The following PRDM10 variants were observed in gnomAD, a reference collection of about 807,000 sequenced individuals.
PRDM10 encodes PR domain zinc finger protein 10.
In PRDM10, 65 loss-of-function variants were observed where a neutral mutation model predicts 133.1. The ratio of observed to expected loss-of-function variants is 0.49; its 90% CI spans 0.40 to 0.60. The LOEUF (loss-of-function observed/expected upper bound fraction) is 0.60, where lower values mean the gene tolerates loss of function less well. Ranked by LOEUF, PRDM10 falls within the 20% of genes least tolerant of loss-of-function variation. The pLI is 0.00. For missense variants in PRDM10, 1,137 were observed against 1,507.1 expected (o/e 0.75, Z 4.07); for synonymous variants, 582 against 580.4 (o/e 1.00, Z -0.04).
At chr11:129,907,276 A>C (rs944743425) in intron 19 of PRDM10, among the ~76,000 whole-genome samples, 1 of 152,228 alleles carries the variant, frequency 6.6e-6, no homozygotes, top group Non-Finnish European at 1.5e-5. Flanking sequence ...AGAATGCGGA[A>C]AACAGCACAA....
At chr11:129,932,474 C>T (rs1950901501) in intron 9 of PRDM10, among the ~76,000 whole-genome samples, 1 of 152,172 alleles carries the variant, frequency 6.6e-6, no homozygotes, top group Admixed American at 6.5e-5. Context: ...TATAAAAATT[C>T]AAAGCACTGA....
chr11:129,955,979 C>A (rs1008422620), intron 3 of PRDM10, among the ~76,000 whole-genome samples: 1 of 152,154 alleles, frequency 6.6e-6, no homozygotes, highest in East Asian at 1.9e-4. Flanking sequence ...TGGAGATAGA[C>A]AGGCATCTAG....
chr11:129,998,387 G>C (rs892636745), intron 1 of PRDM10, among the ~76,000 whole-genome samples: 11 of 152,066 alleles, frequency 7.2e-5, no homozygotes, highest in African/African-American at 2.4e-4. Context: ...AAAAAAAAAG[G>C]GGGGGAGGAG....
intron 11 of PRDM10, among the ~76,000 whole-genome samples, chr11:129,926,211 G>C (rs767015718): frequency 1.3e-5 from 2 of 152,182 alleles, no homozygotes; most frequent in Non-Finnish European, 2.9e-5. Flanking sequence ...ATCCAAGTGG[G>C]AGAGTACGGG....
intron 7 of PRDM10, among the ~76,000 whole-genome samples, chr11:129,939,887 G>A (rs1423765577): frequency 6.6e-6 from 1 of 152,232 alleles, no homozygotes; most frequent in Admixed American, 6.5e-5. Flanking sequence ...AAATGGGAAA[G>A]CACAGTATCA....
At chr11:129,927,051 C>G (rs909558991) in intron 11 of PRDM10, among the ~76,000 whole-genome samples, 8 of 151,620 alleles carry the variant, frequency 5.3e-5, no homozygotes, top group African/African-American at 1.9e-4. Flanking sequence ...ACCAAAAATA[C>G]AAAAATTAGC....
At chr11:129,932,329 C>T (rs928829733) in intron 9 of PRDM10, 98 bp from the exon 10 acceptor site, 22 of 1,420,768 alleles carry the variant, frequency 1.5e-5, no homozygotes, top group Non-Finnish European at 2.0e-5. Context: ...GAGTTTGATT[C>T]CTCTCACCTT....
At chr11:129,966,577 A>G (rs1047008219) in intron 1 of PRDM10, among the ~76,000 whole-genome samples, 21 of 152,226 alleles carry the variant, frequency 1.4e-4, no homozygotes, top group African/African-American at 4.8e-4. Context: ...AAGACATGGG[A>G]ACAGTAGCAG....
intron 1 of PRDM10, among the ~76,000 whole-genome samples, chr11:129,969,788 CAG>C (rs547509981): frequency 2.9e-4 from 44 of 152,222 alleles, no homozygotes; most frequent in Middle Eastern, 6.8e-3. Flanking sequence ...GCCTGGGTGA[CAG>C]AGTGAGACCC....
In PRDM10 at chr11:129,945,059, G is replaced by A; in HGVS notation, c.521-47C>T. ...GAAGAAAAGTCCAATTCCTCAGTGTGACTTGATGTGAGGTAAAAAATTCTG... is the reference window on the plus strand; with the variant it reads ...GAAGAAAAGTCCAATTCCTCAGTGTAACTTGATGTGAGGTAAAAAATTCTG... On this transcript the variant is annotated intron_variant, in intron 5 of 20. Transcript: ENST00000360871. The surrounding 1 kb of genome is among the most constrained non-coding windows in gnomAD (Gnocchi z 4.2). The A allele has an allele frequency of 6.3e-7, 1 of 1,590,248 alleles. No homozygotes were observed. Among genetic ancestry groups the A allele is most frequent in the Non-Finnish European group, 8.5e-7 (1 of 1,174,052 alleles).
intron 20 of PRDM10, among the ~76,000 whole-genome samples, chr11:129,902,815 C>T (rs1949884263): frequency 6.6e-6 from 1 of 152,156 alleles, no homozygotes; most frequent in Non-Finnish European, 1.5e-5. Flanking sequence ...CGTTGCAATG[C>T]TCCTAATGAT....
intron 1 of PRDM10, among the ~76,000 whole-genome samples, chr11:129,999,504 GAGA>G (rs915474901): frequency 6.6e-6 from 1 of 152,192 alleles, no homozygotes; most frequent in Non-Finnish European, 1.5e-5. Context: ...GATGTGATGG[GAGA>G]AGACTATGTA....
chr11:129,909,583 A>G (rs919141993), intron 19 of PRDM10, among the ~76,000 whole-genome samples: 1 of 152,204 alleles, frequency 6.6e-6, no homozygotes, highest in African/African-American at 2.4e-5. Flanking sequence ...AATCAACAGT[A>G]GAAGAAAGAT....
chr11:129,935,247 G>A, intron 8 of PRDM10, 29 bp from the exon 9 acceptor site: 1 of 1,550,890 alleles, frequency 6.4e-7, no homozygotes, highest in South Asian at 1.1e-5. Context: ...AATCATAAAG[G>A]CTGATGACCA....
At chr11:129,914,630 C>A (rs1349571071) in intron 17 of PRDM10, 74 bp downstream of exon 17, 2 of 1,580,970 alleles carry the variant, frequency 1.3e-6, no homozygotes, top group Admixed American at 1.7e-5. Flanking sequence ...TAGATCCCAG[C>A]CCCAGCTCTG....
intron 1 of PRDM10, among the ~76,000 whole-genome samples, chr11:129,967,050 A>G (rs1043953771): frequency 6.6e-6 from 1 of 152,200 alleles, no homozygotes; most frequent in Non-Finnish European, 1.5e-5. Flanking sequence ...AAACGAATCT[A>G]GAAGAGCTCT....
chr11:129,995,131 A>G (rs1565517973), intron 1 of PRDM10, among the ~76,000 whole-genome samples: 1 of 152,218 alleles, frequency 6.6e-6, no homozygotes, highest in Non-Finnish European at 1.5e-5. Context: ...TCCAAATATT[A>G]CCATTCATGG....
chr11:129,951,140 A>G (rs554716145), intron 4 of PRDM10, among the ~76,000 whole-genome samples: 2 of 152,340 alleles, frequency 1.3e-5, no homozygotes, highest in Non-Finnish European at 2.9e-5. Context: ...ACCTTAACAC[A>G]CAACAGGCAT....
At position 129,927,267 on chromosome 11, in the gene PRDM10, T is replaced by A. The variant is rs553783155; in HGVS notation, c.1531-2038A>T. 1.3e-4 allele frequency among the ~76,000 whole-genome samples: 20 copies of A among 151,090 alleles called. No individual in the cohort carries two copies. The South Asian group carries it at 3.8e-3, about 29-fold the overall frequency. ...AGGGCTTGCTTTCACTTCTGTGTAG[T>A]TCAGTAGCCACCTCATCTTTTTAAC... On this transcript the variant is annotated intron_variant, in intron 11 of 20. Transcript: ENST00000360871.
Sources: gnomAD v4.1 joint callset for allele counts (sites outside exome capture counted in the v4.1 genomes callset) on GRCh38, gnomAD v4.1.1 for gene constraint, Gnocchi (gnomAD v3.1) non-coding constraint, MANE v1.5 for transcripts, NCBI Gene and HGNC (gene_info 2026-07-23, HGNC 2026-07-21) for gene names.